Variants in NAALADL2 observed in about 807,000 individuals in gnomAD.
NAALADL2 encodes the protein N-acetylated alpha-linked acidic dipeptidase like 2.
Under a neutral mutation model 87.2 loss-of-function variants are expected in NAALADL2, and 76 were observed. The observed-to-expected ratio is 0.87, with a 90% confidence interval of 0.72 to 1.05. The LOEUF is 1.05. Among genes scored for constraint, NAALADL2 ranks in the 50% least tolerant of loss-of-function variants. The probability of loss-of-function intolerance (pLI) is 0.00; values close to 1 mark genes in which losing one functional copy is unlikely to be tolerated. For synonymous variants in NAALADL2, 354 were observed against 331.0 expected, an observed-to-expected ratio of 1.07 and a Z score of -0.75; for missense variants, 1,089 against 945.8, an observed-to-expected ratio of 1.15 and a Z score of -1.99.
At chr3:175,175,435 A>G (rs1471124845) in intron 2 of NAALADL2, among the ~76,000 whole-genome samples, 2 of 151,966 alleles carry the variant, frequency 1.3e-5, no homozygotes, top group Non-Finnish European at 2.9e-5. Flanking sequence ...GTCCTTTGTT[A>G]TGTTACATTT....
At position 174,999,496 on chromosome 3, in the gene NAALADL2, C is replaced by T. The variant is rs115351470; in HGVS notation, c.44-97294C>T. ...TTTACTGAAGAAAGCATATTTCTTA[C>T]GGTGCTTTTCATAAATCCATCAGTT... On this transcript the variant is annotated intron_variant, in intron 1 of 13. Transcript: ENST00000454872. 3.5e-3 allele frequency among the ~76,000 whole-genome samples: 532 copies of T among 152,216 alleles called. 1 individual carries two copies. Among genetic ancestry groups the T allele is most frequent in the African/African-American group, 0.012 (502 of 41,548 alleles).
At chr3:175,293,279 A>G (rs1356293222) in intron 4 of NAALADL2, among the ~76,000 whole-genome samples, 3 of 152,164 alleles carry the variant, frequency 2.0e-5, no homozygotes, top group Non-Finnish European at 4.4e-5. Flanking sequence ...CTGAATAACT[A>G]CAAGGCTTTA....
At chr3:174,775,378 A>G (rs1715082515) in intron 3 of NAALADL2, among the ~76,000 whole-genome samples, 1 of 152,162 alleles carries the variant, frequency 6.6e-6, no homozygotes, top group African/African-American at 2.4e-5. Flanking sequence ...TATTCATAAA[A>G]GTGGAATAAC....
At chr3:174,501,904 T>G (rs1052126721) in intron 1 of NAALADL2, among the ~76,000 whole-genome samples, 3 of 152,080 alleles carry the variant, frequency 2.0e-5, no homozygotes, top group Non-Finnish European at 4.4e-5. Flanking sequence ...TCATTAATTT[T>G]TAATATATTC....
intron 1 of NAALADL2, among the ~76,000 whole-genome samples, chr3:175,063,612 G>C (rs1420084406): frequency 3.9e-5 from 6 of 151,996 alleles, no homozygotes; most frequent in African/African-American, 1.4e-4. Flanking sequence ...CAGTAGTTGA[G>C]GCCACAGGAA....
rs537503900 is a variant in NAALADL2 at position 174,783,310 on chromosome 3, C to T, written c.-9+45564C>T. Among the ~76,000 whole-genome samples the T allele has an allele frequency of 3.3e-4, 50 of 152,224 alleles. No individual in the cohort carries two copies. In the South Asian group the frequency reaches 6.2e-3, roughly 19 times the overall value. Reference sequence around the variant, plus strand: ...ACTGTAGTCTTTGCTTTCTTTCCTGCCTTGTTCCCTTTAGTCTTTTTTGAA... The same window carrying T: ...ACTGTAGTCTTTGCTTTCTTTCCTGTCTTGTTCCCTTTAGTCTTTTTTGAA... On this transcript the variant is annotated intron_variant, in intron 3 of 3. Coordinates refer to the NAALADL2 transcript ENST00000434257.
intron 5 of NAALADL2, among the ~76,000 whole-genome samples, chr3:175,357,224 C>G (rs895236047): frequency 1.3e-5 from 2 of 152,044 alleles, no homozygotes; most frequent in African/African-American, 2.4e-5. Context: ...GAAAAGTAAC[C>G]TACACTAAGG....
intron 1 of NAALADL2, among the ~76,000 whole-genome samples, chr3:174,544,567 CTTT>C (rs10575227): frequency 0.017 from 1,935 of 115,102 alleles, 23 homozygotes; most frequent in African/African-American, 0.063. Flanking sequence ...TTTTTGTTTT[CTTT>C]TTTTTTTTTT....
chr3:174,935,930 C>T (rs1737625853), intron 1 of NAALADL2, among the ~76,000 whole-genome samples: 1 of 152,046 alleles, frequency 6.6e-6, no homozygotes, highest in Non-Finnish European at 1.5e-5. Context: ...CACATTATTG[C>T]TGCTATGCAT....
intron 1 of NAALADL2, among the ~76,000 whole-genome samples, chr3:174,458,198 T>A (rs1715980257): frequency 6.6e-6 from 1 of 152,178 alleles, no homozygotes; most frequent in African/African-American, 2.4e-5. Flanking sequence ...ATATAAGGGT[T>A]ATTGTAAGAA....
intron 3 of NAALADL2, among the ~76,000 whole-genome samples, chr3:174,780,294 G>A (rs1560218910): frequency 6.6e-6 from 1 of 152,004 alleles, no homozygotes; most frequent in Non-Finnish European, 1.5e-5. Flanking sequence ...GTCTGTTATT[G>A]GTGTATAGCA....
chr3:174,553,776 G>A (rs1411734147), intron 2 of NAALADL2, among the ~76,000 whole-genome samples: 1 of 152,140 alleles, frequency 6.6e-6, no homozygotes, highest in Non-Finnish European at 1.5e-5. Context: ...TATGTGGTTT[G>A]GAGTTAGAGT....
chr3:174,667,482 A>T (rs1726071996), intron 2 of NAALADL2, among the ~76,000 whole-genome samples: 1 of 150,116 alleles, frequency 6.7e-6, no homozygotes, highest in Non-Finnish European at 1.5e-5. Flanking sequence ...CACGCAGTTG[A>T]GTTGGCATTT....
At chr3:175,219,321 G>C (rs1742996928) in intron 2 of NAALADL2, among the ~76,000 whole-genome samples, 1 of 151,924 alleles carries the variant, frequency 6.6e-6, no homozygotes, top group African/African-American at 2.4e-5. Flanking sequence ...AATGGTTATT[G>C]TTCATATAAC....
At chr3:175,369,252 G>A (rs1017551753) in intron 5 of NAALADL2, among the ~76,000 whole-genome samples, 2 of 151,988 alleles carry the variant, frequency 1.3e-5, no homozygotes, top group African/African-American at 2.4e-5. Context: ...CTGTGTGCGC[G>A]TGTGTATATA....
At chr3:174,924,050 T>C (rs973435068) in intron 1 of NAALADL2, among the ~76,000 whole-genome samples, 1 of 152,114 alleles carries the variant, frequency 6.6e-6, no homozygotes, top group Non-Finnish European at 1.5e-5. Flanking sequence ...TTCAGGAATG[T>C]TATATGCTGT....
chr3:174,780,528 A>C (rs924857793), intron 3 of NAALADL2, among the ~76,000 whole-genome samples: 1 of 152,108 alleles, frequency 6.6e-6, no homozygotes, highest in African/African-American at 2.4e-5. Context: ...GTTGAATAGG[A>C]GTGGTGAGAG....
At chr3:174,736,352 T>G (rs1334926105) in intron 2 of NAALADL2, among the ~76,000 whole-genome samples, 1 of 152,008 alleles carries the variant, frequency 6.6e-6, no homozygotes, top group Non-Finnish European at 1.5e-5. Flanking sequence ...TGAAGACAAA[T>G]GGAGGGTGAG....
intron 1 of NAALADL2, among the ~76,000 whole-genome samples, chr3:175,015,620 C>T (rs1750709861): frequency 6.6e-6 from 1 of 152,002 alleles, no homozygotes; most frequent in Non-Finnish European, 1.5e-5. Flanking sequence ...TGATGTGTTT[C>T]AGAAAACAGA....
Sources: allele counts gnomAD v4.1 joint callset (sites outside exome capture counted in the v4.1 genomes callset), GRCh38; gene constraint gnomAD v4.1.1; transcripts MANE v1.5; gene names NCBI Gene and HGNC (gene_info 2026-07-23, HGNC 2026-07-21).